The following KCNIP4 variants were observed in gnomAD, a reference collection of about 807,000 sequenced individuals.
KCNIP4 encodes potassium voltage-gated channel interacting protein 4.
In KCNIP4, 12 loss-of-function variants were observed where a neutral mutation model predicts 34.0. The ratio of observed to expected loss-of-function variants is 0.35; its 90% CI spans 0.23 to 0.57. KCNIP4 has a LOEUF of 0.57. Ranked by LOEUF, KCNIP4 falls within the 20% of genes least tolerant of loss-of-function variation. The probability of loss-of-function intolerance (pLI) is 0.83; values close to 1 mark genes in which losing one functional copy is unlikely to be tolerated. For missense variants in KCNIP4, 238 were observed against 311.7 expected (o/e 0.76, Z 1.78); for synonymous variants, 124 against 102.2 (o/e 1.21, Z -1.29).
chr4:21,714,083 G>A (rs1713957018), intron 1 of KCNIP4, among the ~76,000 whole-genome samples: 1 of 152,064 alleles, frequency 6.6e-6, no homozygotes. Context: ...GAAACCTAAG[G>A]AATAAGTTTA....
At chr4:21,718,382 AT>A (rs1281364090) in intron 1 of KCNIP4, 1 of 152,200 alleles carries the variant, frequency 6.6e-6, no homozygotes, top group Non-Finnish European at 1.5e-5. Context: ...TACAAATATT[AT>A]AAAATTTGGT....
chr4:21,793,077 G>A (rs1036640518), intron 1 of KCNIP4, among the ~76,000 whole-genome samples: 2 of 152,114 alleles, frequency 1.3e-5, no homozygotes, highest in African/African-American at 4.8e-5. Flanking sequence ...AACATTCATG[G>A]GCAGTCCCAG....
chr4:21,689,304 T>C (rs1047341982), intron 1 of KCNIP4, among the ~76,000 whole-genome samples: 1 of 152,210 alleles, frequency 6.6e-6, no homozygotes, highest in African/African-American at 2.4e-5. Context: ...GAAAATTTAA[T>C]TTGAATAAAA....
chr4:21,268,983 C>T (rs1295160034), intron 1 of KCNIP4, among the ~76,000 whole-genome samples: 1 of 152,130 alleles, frequency 6.6e-6, no homozygotes. Flanking sequence ...TATAAACCTA[C>T]AAGTACTTCA....
chr4:20,883,225 G>A (rs1329540263), intron 1 of KCNIP4, among the ~76,000 whole-genome samples: 1 of 152,128 alleles, frequency 6.6e-6, no homozygotes, highest in African/African-American at 2.4e-5. Context: ...TCCTGAAAAT[G>A]AGAAAATAAA....
intron 1 of KCNIP4, among the ~76,000 whole-genome samples, chr4:21,051,170 T>C (rs576250492): frequency 6.6e-6 from 1 of 152,348 alleles, no homozygotes; most frequent in South Asian, 2.1e-4. Context: ...GCTTCCCTTC[T>C]TTGAGCATCA....
chr4:21,738,116 TA>T (rs1716126720), intron 1 of KCNIP4, among the ~76,000 whole-genome samples: 3 of 138,778 alleles, frequency 2.2e-5, no homozygotes, highest in African/African-American at 9.2e-5. Flanking sequence ...AATAAATAAA[TA>T]AATAAATAAA....
At chr4:21,713,959 C>T (rs1713947846) in intron 1 of KCNIP4, among the ~76,000 whole-genome samples, 1 of 152,164 alleles carries the variant, frequency 6.6e-6, no homozygotes. Flanking sequence ...TATGCATTTT[C>T]TGACAGAAGA....
chr4:21,450,838 C>G (rs141175492), intron 1 of KCNIP4, among the ~76,000 whole-genome samples: 2 of 152,168 alleles, frequency 1.3e-5, no homozygotes, highest in African/African-American at 4.8e-5. Context: ...GTTTAATTTC[C>G]TTACAAATGT....
intron 1 of KCNIP4, among the ~76,000 whole-genome samples, chr4:21,055,688 G>A (rs1213771660): frequency 6.6e-6 from 1 of 152,150 alleles, no homozygotes; most frequent in African/African-American, 2.4e-5. Flanking sequence ...AAGACAGTCT[G>A]AAAGGGTTGC....
chr4:21,165,623 T>G (rs919469435), intron 1 of KCNIP4, among the ~76,000 whole-genome samples: 1 of 152,116 alleles, frequency 6.6e-6, no homozygotes, highest in African/African-American at 2.4e-5. Flanking sequence ...CTTAGTACTC[T>G]TGGATTAGGC....
intron 1 of KCNIP4, among the ~76,000 whole-genome samples, chr4:20,997,815 C>A (rs1737702764): frequency 6.6e-6 from 1 of 152,190 alleles, no homozygotes; most frequent in Admixed American, 6.5e-5. Flanking sequence ...GCACTAGGGA[C>A]CCGCTCCTAA....
chr4:20,746,828 A>C (rs934662899), intron 5 of KCNIP4, among the ~76,000 whole-genome samples: 2 of 152,130 alleles, frequency 1.3e-5, no homozygotes, highest in African/African-American at 4.8e-5. Context: ...AAGCAAATTA[A>C]GTGGAAAACT....
At chr4:21,578,686 C>T (rs1176526664) in intron 1 of KCNIP4, among the ~76,000 whole-genome samples, 1 of 152,062 alleles carries the variant, frequency 6.6e-6, no homozygotes, top group Non-Finnish European at 1.5e-5. Context: ...TCTTCCAGTT[C>T]GAGTATAATG....
At position 20,917,049 on chromosome 4, in the gene KCNIP4, A is replaced by G. The variant is rs1309683357; in HGVS notation, c.62-34340T>C. Among the ~76,000 whole-genome samples, 55 of 104,768 alleles carry G rather than the reference A, an allele frequency of 5.2e-4. 1 individual carries two copies. The highest frequency in any genetic ancestry group is 1.9e-3 in the African/African-American group (50 of 26,932). 68.7% of individuals were successfully genotyped at this position (104,768 alleles called of 152,430 possible). A position where few individuals can be genotyped will look rare whatever the true frequency, so the allele number is the denominator to read the frequency against. On this transcript the variant is annotated intron_variant, in intron 1 of 8. Transcript: ENST00000382152. ...TATATATATATATATATATATATAT[A>G]TAAAATTGAGATGGGGTCTCGCTCT...
At chr4:21,610,101 A>C (rs910278334) in intron 1 of KCNIP4, among the ~76,000 whole-genome samples, 1 of 152,234 alleles carries the variant, frequency 6.6e-6, no homozygotes, top group African/African-American at 2.4e-5. Flanking sequence ...ACTATGAACT[A>C]CTTTTCAGTG....
At chr4:21,805,201 C>T (rs1721219998) in intron 1 of KCNIP4, among the ~76,000 whole-genome samples, 1 of 152,054 alleles carries the variant, frequency 6.6e-6, no homozygotes, top group Non-Finnish European at 1.5e-5. Flanking sequence ...GTAAATTATA[C>T]CTCAATAAAG....
At chr4:21,634,798 G>T (rs1204878061) in intron 1 of KCNIP4, among the ~76,000 whole-genome samples, 1 of 152,044 alleles carries the variant, frequency 6.6e-6, no homozygotes, top group Non-Finnish European at 1.5e-5. Flanking sequence ...TAAAGACCTG[G>T]TTTGCCAACT....
intron 1 of KCNIP4, among the ~76,000 whole-genome samples, chr4:21,646,310 A>G (rs1747015365): frequency 6.6e-6 from 1 of 152,140 alleles, no homozygotes. Flanking sequence ...ATATCCAATC[A>G]AATGTCTTTC....
Sources: allele counts gnomAD v4.1 joint callset (sites outside exome capture counted in the v4.1 genomes callset), GRCh38; gene constraint gnomAD v4.1.1; transcripts MANE v1.5; gene names NCBI Gene and HGNC (gene_info 2026-07-23, HGNC 2026-07-21).